CYB5R2: variants seen among roughly 807,000 people sequenced by gnomAD.
The protein encoded by CYB5R2 is NADH-cytochrome b5 reductase 2.
A neutral mutation model predicts 29.8 loss-of-function variants in CYB5R2; 35 were observed. That is an observed-to-expected ratio of 1.17 (90% CI 0.90 to 1.56). The LOEUF (loss-of-function observed/expected upper bound fraction) is 1.56. Ranked by LOEUF, CYB5R2 falls within the 40% of genes most tolerant of loss-of-function variation. The pLI, the probability that CYB5R2 is intolerant of heterozygous loss-of-function variation, is 0.00. For synonymous variants in CYB5R2, 169 were observed against 130.6 expected (o/e 1.29, Z -2.01); for missense variants, 419 against 346.7 (o/e 1.21, Z -1.66).
chr11:7,665,866 G>T, intron 8 of CYB5R2: 3 of 1,536,106 alleles, frequency 2.0e-6, no homozygotes, highest in Non-Finnish European at 2.6e-6. Flanking sequence ...GAGTTGTCCG[G>T]CAGGGTGTGG....
rs766796087 is a variant in CYB5R2 at position 7,666,398 on chromosome 11, G to C, written c.658+53C>G. Reference sequence around the variant, plus strand: ...AAAGAGACAGAGACCAGTCCTCAAAGTGGTCAAGGGTTGGTGCTGACCCAT... The same window carrying C: ...AAAGAGACAGAGACCAGTCCTCAAACTGGTCAAGGGTTGGTGCTGACCCAT... On this transcript the variant is annotated intron_variant, in intron 8 of 8. Coordinates refer to ENST00000299498, the MANE Select transcript of CYB5R2 (RefSeq NM_016229.5). The C allele has an allele frequency of 9.0e-5, 103 of 1,141,708 alleles. 1 individual carries two copies. The highest frequency in any genetic ancestry group is 1.3e-4 in the Non-Finnish European group (96 of 755,780). The allele number at this position is 1,141,708 out of a possible 1,614,324, so 70.7% of individuals were successfully genotyped here. A position where few individuals can be genotyped will look rare whatever the true frequency, so the allele number is the denominator to read the frequency against.
At chr11:7,666,001 GCA>G (rs748204272) in intron 8 of CYB5R2, 1 of 1,219,654 alleles carries the variant, frequency 8.2e-7, no homozygotes. Context: ...GGTGCTCTGT[GCA>G]CAGTGGTTGC....
intron 8 of CYB5R2, chr11:7,666,112 G>A (rs547938718): frequency 4.8e-6 from 3 of 622,106 alleles, no homozygotes; most frequent in African/African-American, 3.6e-5. Context: ...AAGGGTGAGT[G>A]GTGAAGGGGT....
intron 3 of CYB5R2, chr11:7,670,961 G>C (rs1855697743): frequency 6.6e-6 from 1 of 152,380 alleles, no homozygotes; most frequent in African/African-American, 2.4e-5. Flanking sequence ...ATGGAACAGA[G>C]AGATGGATAG....
chr11:7,674,092 C>G (rs946775170), upstream of CYB5R2: 2 of 1,196,468 alleles, frequency 1.7e-6, no homozygotes, highest in Non-Finnish European at 2.1e-6. Flanking sequence ...AGCTGCCACA[C>G]TGAGCGCCCC....
chr11:7,669,467 C>G, intron 4 of CYB5R2, 133 bp from the exon 5 acceptor site: 3 of 1,275,976 alleles, frequency 2.4e-6, no homozygotes, highest in Non-Finnish European at 3.3e-6. Context: ...TACGCAATCC[C>G]TGAAGATGAA....
chr11:7,666,819 CCTTAGCCAAG>C, intron 7 of CYB5R2: 1 of 315,380 alleles, frequency 3.2e-6, no homozygotes, highest in East Asian at 7.4e-5. Context: ...ACTAGAAGGA[CCTTAGCCAAG>C]CGCTGGCCAG....
chr11:7,669,006 C>G (rs749567469), intron 5 of CYB5R2, 199 bp downstream of exon 5: 24 of 721,452 alleles, frequency 3.3e-5, no homozygotes, highest in Non-Finnish European at 5.7e-5. Flanking sequence ...AAGTCATTCC[C>G]CTACCTTACA....
chr11:7,667,382 AAAG>A (rs1406973432), intron 7 of CYB5R2: 1 of 159,826 alleles, frequency 6.3e-6, no homozygotes, highest in African/African-American at 2.4e-5. Flanking sequence ...TATATAGAAA[AAAG>A]ATTTAAAAAG....
chr11:7,668,363 C>T, intron 6 of CYB5R2, 115 bp downstream of exon 6: 1 of 846,008 alleles, frequency 1.2e-6, no homozygotes, highest in Admixed American at 1.7e-5. Flanking sequence ...TCGTTCCCAC[C>T]TTCTACAGCT....
chr11:7,669,670 AG>A lies in CYB5R2; in HGVS notation c.212del (p.Pro71LeufsTer13). 1 of 1,613,052 alleles carries A rather than the reference AG, an allele frequency of 6.2e-7. No individual in the cohort carries two copies. The highest frequency in any genetic ancestry group is 1.3e-5 in the African/African-American group (1 of 75,012). Reference sequence around the variant, plus strand: ...AGCCTCTGTCATCATCACTGGAGACAGGGGTGTAAGCCCTGACCACCAATTC... The same window carrying A: ...AGCCTCTGTCATCATCACTGGAGACAGGGTGTAAGCCCTGACCACCAATTC... ...DNELVVRAYT[P>X]VSSDDDRGFV... On this transcript the variant is annotated frameshift_variant, in exon 4 of 9. Transcript: ENST00000299498. LOFTEE classifies it high-confidence loss of function.
Position 7,668,524 on chromosome 11 carries a change from AGGCT to A in CYB5R2, c.422_425del (p.Glu141ValfsTer11), listed in dbSNP as rs763251083. On this transcript the variant is annotated frameshift_variant, in exon 6 of 9. Coordinates refer to ENST00000299498, the MANE Select transcript of CYB5R2 (RefSeq NM_016229.5). LOFTEE classifies it high-confidence loss of function. ...CCAGGTGATCGGCCAGTGTTTTTTT[AGGCT>A]CACTCGTCTGGTCTGGTCTGATTCC... The A allele has an allele frequency of 2.5e-6, 4 of 1,613,924 alleles. No homozygotes were observed. The South Asian group carries it at 4.4e-5, about 18-fold the overall frequency.
At position 7,665,524 on chromosome 11, in the gene CYB5R2, G is replaced by A. The variant is rs764419300; in HGVS notation, c.681C>T (p.Phe227=). The change falls in exon 9 of 9, where the codon TTC becomes TTT. Residue 227 remains phenylalanine (F), a synonymous_variant. Coordinates refer to ENST00000299498, the MANE Select transcript of CYB5R2 (RefSeq NM_016229.5). The part of the protein sequence containing the change: ...PPIGWKYSSG[F]VTADMIKEHL... ...GCTCCTTGATCATGTCGGCAGTAAC[G>A]AAGCCTGAGCTGTACTTCCAGCCTG... is the stretch of plus-strand genomic sequence containing the variant. 16 of 1,610,936 alleles carry A rather than the reference G, an allele frequency of 9.9e-6. No individual in the cohort carries two copies. Among genetic ancestry groups the A allele is most frequent in the African/African-American group, 6.7e-5 (5 of 74,812 alleles).
intron 1 of CYB5R2, 199 bp from the exon 2 acceptor site, chr11:7,673,090 T>C: frequency 1.9e-6 from 1 of 517,854 alleles, no homozygotes; most frequent in Non-Finnish European, 3.4e-6. Flanking sequence ...AGGGGTCAGC[T>C]GCAGGTCACA....
At position 7,665,186 on chromosome 11, in the gene CYB5R2, C is replaced by A; in HGVS notation, c.*188G>T. On this transcript the variant is annotated 3_prime_UTR_variant, in exon 9 of 9. Coordinates refer to ENST00000299498, the MANE Select transcript of CYB5R2 (RefSeq NM_016229.5). Reference sequence around the variant, plus strand: ...CTTTCCAGCCTCCAAGCAAGGAGGCCCCAGCAGCCAGTCTCCAGCCCCTTG... The same window carrying A: ...CTTTCCAGCCTCCAAGCAAGGAGGCACCAGCAGCCAGTCTCCAGCCCCTTG... 3 of 485,194 alleles carry A rather than the reference C, an allele frequency of 6.2e-6. No individual in the cohort carries two copies. Among genetic ancestry groups the A allele is most frequent in the South Asian group, 8.1e-5 (2 of 24,666 alleles). 30.1% of individuals were successfully genotyped at this position (485,194 alleles called of 1,614,324 possible).
rs771806062 is a variant in CYB5R2, at chr11:7,666,485, G to A, written c.624C>T (p.Phe208=). Residue 208 remains phenylalanine, a synonymous_variant, in exon 8 of 9, where the codon TTC becomes TTT. Coordinates refer to ENST00000299498, the MANE Select transcript of CYB5R2 (RefSeq NM_016229.5). ...EEIARTHPDQ[F]NLWYTLDRPP... ...GCCTGTCCAGGGTGTACCACAGGTT[G>A]AACTGGTCTGGGTGAGTCCTGGCAA... 8.7e-6 allele frequency: 14 copies of A among 1,613,198 alleles called. No individual in the cohort carries two copies. Among genetic ancestry groups the A allele is most frequent in the South Asian group, 6.6e-5 (6 of 91,052 alleles).
intron 7 of CYB5R2, 60 bp downstream of exon 7, chr11:7,667,668 A>G: frequency 1.4e-6 from 2 of 1,473,888 alleles, no homozygotes; most frequent in African/African-American, 2.8e-5. Context: ...GAGAAATGAA[A>G]ACAAGAGCCC....
chr11:7,673,887 A>ACCC (rs1365734561), upstream of CYB5R2: 1 of 993,206 alleles, frequency 1.0e-6, no homozygotes, highest in Non-Finnish European at 1.2e-6. Flanking sequence ...CGGACCCCGC[A>ACCC]GGCTGGGACC....
At chr11:7,674,123 A>G, upstream of CYB5R2, 9 of 1,210,450 alleles carry the variant, frequency 7.4e-6, no homozygotes, top group Non-Finnish European at 9.5e-6. Context: ...TAAGCTCGGC[A>G]AGGCTGGAGA....
Sources: gnomAD v4.1 joint callset for allele counts on GRCh38, gnomAD v4.1.1 for gene constraint, MANE v1.5 for transcripts, NCBI Gene and HGNC (gene_info 2026-07-23, HGNC 2026-07-21) for gene names.